The following TENM4 variants were observed in gnomAD, a reference collection of about 807,000 sequenced individuals.
TENM4 encodes teneurin transmembrane protein 4, also known as teneurin-4.
TENM4 carries 82 observed loss-of-function variants against 243.3 expected under a neutral mutation model. That is an observed-to-expected ratio of 0.34 (90% CI 0.28 to 0.40). TENM4 has a LOEUF of 0.40. Ranked by LOEUF, TENM4 falls within the 10% of genes least tolerant of loss-of-function variation. TENM4 has a pLI of 1.00. For missense variants in TENM4, 3,138 were observed against 3,673.3 expected (o/e 0.85, Z 3.77); for synonymous variants, 1,412 against 1,456.3 (o/e 0.97, Z 0.69).
intron 2 of TENM4, among the ~76,000 whole-genome samples, chr11:79,225,118 A>C (rs1864238177): frequency 6.6e-6 from 1 of 152,158 alleles, no homozygotes; most frequent in Non-Finnish European, 1.5e-5. Context: ...GGTCCTGCTG[A>C]CACCTTGATC....
intron 33 of TENM4, among the ~76,000 whole-genome samples, chr11:78,660,693 G>C (rs568957075): frequency 6.6e-6 from 1 of 152,146 alleles, no homozygotes; most frequent in Non-Finnish European, 1.5e-5. Context: ...TCATCCCTGC[G>C]TTCACTGGGC....
At chr11:79,215,613 AC>A (rs1261503709) in intron 3 of TENM4, among the ~76,000 whole-genome samples, 194 bp downstream of exon 3, 2 of 152,014 alleles carry the variant, frequency 1.3e-5, no homozygotes, top group East Asian at 3.9e-4. Context: ...GTTGCCACCT[AC>A]CAGTCCTACT....
chr11:78,729,733 C>G, intron 21 of TENM4, 90 bp from the exon 22 acceptor site: 1 of 1,480,736 alleles, frequency 6.8e-7, no homozygotes, highest in Non-Finnish European at 9.0e-7. Context: ...TCTGGGTGTT[C>G]AGGAGGTAGA....
At chr11:79,178,969 G>T (rs1021421321) in intron 3 of TENM4, among the ~76,000 whole-genome samples, 1 of 152,172 alleles carries the variant, frequency 6.6e-6, no homozygotes, top group African/African-American at 2.4e-5. Context: ...ATTGTATCTT[G>T]CTTCCAGAAA....
At chr11:78,963,620 C>T (rs1014689678) in intron 6 of TENM4, among the ~76,000 whole-genome samples, 3 of 151,898 alleles carry the variant, frequency 2.0e-5, no homozygotes, top group Non-Finnish European at 2.9e-5. Flanking sequence ...GCACAGAGAG[C>T]GGCTGATTAT....
chr11:78,892,367 A>C (rs956935926), intron 7 of TENM4, among the ~76,000 whole-genome samples: 4 of 152,174 alleles, frequency 2.6e-5, no homozygotes, highest in Admixed American at 6.5e-5. Context: ...CAAGAAAGGA[A>C]CTGACTGCAG....
At chr11:78,916,050 G>C (rs1465869597) in intron 6 of TENM4, among the ~76,000 whole-genome samples, 4 of 152,170 alleles carry the variant, frequency 2.6e-5, no homozygotes. Flanking sequence ...TCATATTACA[G>C]ACCTTTTCTG....
rs534022643 is a variant in TENM4 at position 79,047,791 on chromosome 11, C to T, written c.493+16947G>A. ...ACTTAATTTGTTTGAGCCCCTATTT[C>T]TGTAGCTGCAAAAAAAGAAAATACC... is the stretch of plus-strand genomic sequence containing the variant. On this transcript the variant is annotated intron_variant, in intron 6 of 33. Transcript: ENST00000278550. 2.6e-5 allele frequency among the ~76,000 whole-genome samples: 4 copies of T among 152,140 alleles called. No individual in the cohort carries two copies. The East Asian group carries it at 7.7e-4, about 29-fold the overall frequency.
intron 1 of TENM4, among the ~76,000 whole-genome samples, chr11:79,338,997 A>AT (rs1857198163): frequency 6.6e-6 from 1 of 152,180 alleles, no homozygotes; most frequent in African/African-American, 2.4e-5. Context: ...GAAGCGGGAG[A>AT]TGATGGAGCT....
rs1056051604 is a variant in TENM4, at chr11:79,069,866, C to T, written c.79G>A (p.Ala27Thr). Residue 27 changes from alanine (A) to threonine (T), a missense_variant, in exon 5 of 34, where the codon GCG (alanine) becomes ACG (threonine). Physicochemically the swap from Ala to Thr is moderately conservative, Grantham distance 58. Around this residue, in one of 2 missense-constraint regions of TENM4, gnomAD observed 671 missense variants for 614.1 expected, o/e 1.09. Transcript: ENST00000278550. ...GGGGCTTTGCCCTCCTCGCTGTCCGCGGACGAGCTGGTGTAGCGGCGCTCG... is the reference window on the plus strand; with the variant it reads ...GGGGCTTTGCCCTCCTCGCTGTCCGTGGACGAGCTGGTGTAGCGGCGCTCG... ...DAERRYTSSS[A>T]DSEEGKAPQK... 1 of 1,550,062 alleles carries T rather than the reference C, an allele frequency of 6.5e-7. No homozygotes were observed. The highest frequency in any genetic ancestry group is 8.7e-7 in the Non-Finnish European group (1 of 1,146,880).
At chr11:79,207,195 G>A (rs1863865632) in intron 3 of TENM4, among the ~76,000 whole-genome samples, 1 of 152,190 alleles carries the variant, frequency 6.6e-6, no homozygotes, top group Non-Finnish European at 1.5e-5. Flanking sequence ...AGTTTGCCAG[G>A]CTCAAGGTAT....
At chr11:79,365,849 G>A (rs1443181528) in intron 1 of TENM4, among the ~76,000 whole-genome samples, 3 of 152,174 alleles carry the variant, frequency 2.0e-5, no homozygotes, top group Non-Finnish European at 2.9e-5. Context: ...TGCCCGGTGC[G>A]GGTAGAGGCA....
chr11:78,871,638 A>C (rs1591087085), intron 9 of TENM4, among the ~76,000 whole-genome samples: 1 of 152,198 alleles, frequency 6.6e-6, no homozygotes, highest in African/African-American at 2.4e-5. Context: ...ATCACAATAG[A>C]AAATCATGTC....
chr11:78,896,695 C>G (rs562057057), intron 7 of TENM4, among the ~76,000 whole-genome samples: 3 of 152,118 alleles, frequency 2.0e-5, no homozygotes, highest in Admixed American at 6.5e-5. Context: ...CAAACTCCTA[C>G]CAATTTATGC....
At chr11:79,399,840 T>C (rs781769934) in intron 1 of TENM4, among the ~76,000 whole-genome samples, 2 of 152,152 alleles carry the variant, frequency 1.3e-5, no homozygotes, top group Non-Finnish European at 2.9e-5. Context: ...TTATAAAACC[T>C]TCCTTGTCGG....
At chr11:79,359,319 T>C (rs1226822121) in intron 1 of TENM4, among the ~76,000 whole-genome samples, 1 of 152,138 alleles carries the variant, frequency 6.6e-6, no homozygotes, top group Admixed American at 6.5e-5. Context: ...CAGGATAATA[T>C]GAACAGCAAT....
chr11:79,137,654 C>T (rs555174313), intron 4 of TENM4, among the ~76,000 whole-genome samples: 1 of 152,240 alleles, frequency 6.6e-6, no homozygotes, highest in South Asian at 2.1e-4. Context: ...AACACGTCTG[C>T]GCATATATAC....
At chr11:79,078,837 CT>C (rs1476341067) in intron 4 of TENM4, among the ~76,000 whole-genome samples, 2 of 152,196 alleles carry the variant, frequency 1.3e-5, no homozygotes, top group African/African-American at 4.8e-5. Context: ...GTTAAGTATC[CT>C]GCCTGGAAGG....
intron 6 of TENM4, among the ~76,000 whole-genome samples, chr11:79,024,221 G>A (rs1034336771): frequency 2.0e-5 from 3 of 152,218 alleles, no homozygotes; most frequent in Non-Finnish European, 4.4e-5. Context: ...CCACCTGCCT[G>A]TAACACCTCT....
Sources: allele counts gnomAD v4.1 joint callset (sites outside exome capture counted in the v4.1 genomes callset), GRCh38; gene constraint gnomAD v4.1.1; regional missense constraint gnomAD v4.1.1; transcripts MANE v1.5; gene names NCBI Gene and HGNC (gene_info 2026-07-23, HGNC 2026-07-21).